RAI14: variants seen among roughly 807,000 people sequenced by gnomAD.
RAI14 encodes the protein ankycorbin.
RAI14 carries 45 observed loss-of-function variants against 115.4 expected under a neutral mutation model. The observed-to-expected ratio is 0.39, with a 90% CI of 0.31 to 0.50. The LOEUF (loss-of-function observed/expected upper bound fraction) is 0.50, where lower values mean the gene tolerates loss of function less well. RAI14 is among the 20% of genes least tolerant of loss of function. RAI14 has a pLI of 0.85. For missense variants in RAI14, 939 were observed against 1,131.2 expected (o/e 0.83, Z 2.44); for synonymous variants, 371 against 415.4 (o/e 0.89, Z 1.30).
At chr5:34,675,511 G>C (rs1307362868) in intron 1 of RAI14, among the ~76,000 whole-genome samples, 1 of 152,208 alleles carries the variant, frequency 6.6e-6, no homozygotes, top group Non-Finnish European at 1.5e-5. Flanking sequence ...CCAGCACTTT[G>C]GGAGGCACAG....
intron 5 of RAI14, among the ~76,000 whole-genome samples, chr5:34,805,807 C>G (rs1754821842): frequency 6.6e-6 from 1 of 152,174 alleles, no homozygotes; most frequent in Non-Finnish European, 1.5e-5. Flanking sequence ...CGCCACTACA[C>G]TTCAGCCTGG....
intron 14 of RAI14, among the ~76,000 whole-genome samples, chr5:34,822,096 T>C (rs1219205887): frequency 2.0e-5 from 3 of 149,574 alleles, no homozygotes; most frequent in African/African-American, 7.3e-5. Context: ...ATATTCTATA[T>C]GTTTAATAAA....
At chr5:34,750,812 A>G (rs1019978859) in intron 2 of RAI14, among the ~76,000 whole-genome samples, 4 of 140,852 alleles carry the variant, frequency 2.8e-5, no homozygotes, top group African/African-American at 1.1e-4. Flanking sequence ...CATGACCCTT[A>G]CTTTTATACT....
chr5:34,715,555 C>A (rs1048297586), intron 2 of RAI14, among the ~76,000 whole-genome samples: 2 of 152,154 alleles, frequency 1.3e-5, no homozygotes, highest in Non-Finnish European at 2.9e-5. Flanking sequence ...TGTTCCCTGC[C>A]CCAAAAGGCT....
chr5:34,742,435 A>G (rs1580098356), intron 2 of RAI14, among the ~76,000 whole-genome samples: 2 of 152,176 alleles, frequency 1.3e-5, no homozygotes, highest in Non-Finnish European at 2.9e-5. Context: ...ACCTAAAAGC[A>G]TTCATACTTT....
At position 34,824,469 on chromosome 5, in the gene RAI14, T is replaced by C; in HGVS notation, c.2627T>C (p.Leu876Pro). Reference protein sequence around the residue: ...MKRYAESSSKLEEDKDKKINE... With the variant: ...MKRYAESSSKPEEDKDKKINE... ...AGATACGCTGAGAGCTCTTCAAAAC[T>C]GGAGGAAGATAAAGATAAAAAGGTT... The change falls in exon 15 of 18, where the codon CTG (leucine) becomes CCG (proline). Residue 876 changes from leucine (L) to proline (P), a missense_variant. Leu to Pro is a moderately conservative substitution (Grantham distance 98, BLOSUM62 -3). Transcript: ENST00000265109. 1 of 1,578,920 alleles carries C rather than the reference T, an allele frequency of 6.3e-7. No individual in the cohort carries two copies. Among genetic ancestry groups the C allele is most frequent in the Non-Finnish European group, 8.6e-7 (1 of 1,162,558 alleles).
intron 11 of RAI14, among the ~76,000 whole-genome samples, 183 bp from the exon 12 acceptor site, chr5:34,814,400 T>A (rs749685762): frequency 5.9e-5 from 9 of 152,236 alleles, no homozygotes; most frequent in Non-Finnish European, 1.0e-4. Flanking sequence ...CTGTAAACTT[T>A]CAGAAAGTAT....
intron 3 of RAI14, among the ~76,000 whole-genome samples, chr5:34,771,760 T>G (rs1750188810): frequency 6.6e-6 from 1 of 152,190 alleles, no homozygotes; most frequent in African/African-American, 2.4e-5. Flanking sequence ...CCCCATCTAT[T>G]TGAGAGCCCT....
At chr5:34,814,475 C>A in intron 11 of RAI14, 108 bp from the exon 12 acceptor site, 1 of 750,910 alleles carries the variant, frequency 1.3e-6, no homozygotes, top group Non-Finnish European at 2.3e-6. Context: ...AGGATACTTA[C>A]TGTTAGATTT....
chr5:34,829,178 T>TACACAC (rs144038064), intron 16 of RAI14, among the ~76,000 whole-genome samples: 2 of 150,364 alleles, frequency 1.3e-5, no homozygotes, highest in Admixed American at 6.6e-5. Context: ...CACACACACA[T>TACACAC]ACACACACAC....
At chr5:34,740,573 A>T (rs1745384548) in intron 2 of RAI14, among the ~76,000 whole-genome samples, 1 of 152,314 alleles carries the variant, frequency 6.6e-6, no homozygotes, top group South Asian at 2.1e-4. Flanking sequence ...TGCTTTTGTT[A>T]AGAAATGTTC....
chr5:34,792,235 C>CTTTTTTTTTTT (rs55986330), intron 3 of RAI14, among the ~76,000 whole-genome samples: 8 of 127,480 alleles, frequency 6.3e-5, no homozygotes, highest in South Asian at 2.5e-4. Context: ...TTTCTTTTTT[C>CTTTTTTTTTTT]TTTTTTTTTT....
At chr5:34,746,692 G>A (rs544152848) in intron 2 of RAI14, among the ~76,000 whole-genome samples, 2 of 152,168 alleles carry the variant, frequency 1.3e-5, no homozygotes, top group African/African-American at 2.4e-5. Flanking sequence ...TGCTATCTCT[G>A]TCTCCACTGA....
chr5:34,723,432 A>G (rs928309704), intron 2 of RAI14, among the ~76,000 whole-genome samples: 1 of 152,184 alleles, frequency 6.6e-6, no homozygotes, highest in Non-Finnish European at 1.5e-5. Context: ...GTGAGATCTA[A>G]GTCTTTTGGT....
At chr5:34,803,894 C>T (rs1754573102) in intron 5 of RAI14, 118 bp downstream of exon 5, 1 of 845,988 alleles carries the variant, frequency 1.2e-6, no homozygotes, top group African/African-American at 1.7e-5. Flanking sequence ...TGTCCCCAAA[C>T]CTGTGTTTCC....
intron 2 of RAI14, among the ~76,000 whole-genome samples, chr5:34,717,219 G>A (rs34674630): frequency 0.19 from 29,593 of 152,032 alleles, 3,552 homozygotes; most frequent in Non-Finnish European, 0.25. Flanking sequence ...AAGAGTTACC[G>A]CAAAAAAGTC....
At chr5:34,730,436 G>A (rs933612014) in intron 2 of RAI14, among the ~76,000 whole-genome samples, 4 of 152,112 alleles carry the variant, frequency 2.6e-5, no homozygotes, top group African/African-American at 9.7e-5. Flanking sequence ...CAGCACTCTG[G>A]GAGGCTGAAG....
intron 1 of RAI14, among the ~76,000 whole-genome samples, chr5:34,670,357 C>G (rs1302987143): frequency 2.6e-5 from 4 of 152,196 alleles, no homozygotes; most frequent in Non-Finnish European, 5.9e-5. Flanking sequence ...GCTAAATAAA[C>G]TTTCTCTGCT....
intron 7 of RAI14, among the ~76,000 whole-genome samples, chr5:34,809,918 G>A (rs997951429): frequency 2.0e-5 from 3 of 152,024 alleles, no homozygotes; most frequent in Admixed American, 2.0e-4. Flanking sequence ...CTATCACATG[G>A]TTCTGTCATG....
Sources: gnomAD v4.1 joint callset for allele counts (sites outside exome capture counted in the v4.1 genomes callset) on GRCh38, gnomAD v4.1.1 for gene constraint, MANE v1.5 for transcripts, NCBI Gene and HGNC (gene_info 2026-07-23, HGNC 2026-07-21) for gene names.